The following DHX35 variants were observed in gnomAD, a reference collection of about 807,000 sequenced individuals.
The protein encoded by DHX35 is probable ATP-dependent RNA helicase DHX35.
A neutral mutation model predicts 99.6 loss-of-function variants in DHX35; 84 were observed. The observed-to-expected ratio is 0.84, with a 90% CI of 0.71 to 1.01. DHX35 has a LOEUF of 1.01. Ranked by LOEUF, DHX35 falls within the 50% of genes least tolerant of loss-of-function variation. DHX35 has a pLI of 0.00. For synonymous variants in DHX35, 331 were observed against 316.2 expected (o/e 1.05, Z -0.50); for missense variants, 852 against 888.5 (o/e 0.96, Z 0.52).
chr20:39,016,868 CTTTTTTTTTT>C (rs777635952), intron 14 of DHX35, among the ~76,000 whole-genome samples: 4 of 106,454 alleles, frequency 3.8e-5, no homozygotes, highest in Non-Finnish European at 6.1e-5. Context: ...GTGCTGTTGT[CTTTTTTTTTT>C]TTTTTTTTTA....
intron 18 of DHX35, among the ~76,000 whole-genome samples, chr20:39,026,743 T>C (rs1600447306): frequency 6.6e-6 from 1 of 152,044 alleles, no homozygotes; most frequent in East Asian, 1.9e-4. Context: ...TCAGAGAATA[T>C]TTGATGGGTG....
intron 20 of DHX35, among the ~76,000 whole-genome samples, chr20:39,033,289 C>CT (rs2087089646): frequency 6.6e-6 from 1 of 151,906 alleles, no homozygotes; most frequent in Admixed American, 6.6e-5. Context: ...ATTTTAGATC[C>CT]TTTTTTTGCT....
At chr20:38,966,837 G>A (rs2085919096) in intron 1 of DHX35, among the ~76,000 whole-genome samples, 3 of 152,146 alleles carry the variant, frequency 2.0e-5, no homozygotes, top group African/African-American at 7.2e-5. Context: ...AAAGGATAAG[G>A]TATTCTTTGT....
At chr20:38,975,158 A>AT (rs2086058068) in intron 3 of DHX35, among the ~76,000 whole-genome samples, 1 of 151,930 alleles carries the variant, frequency 6.6e-6, no homozygotes. Context: ...AGATGTAGGT[A>AT]TTTTTTTAAA....
In DHX35 at chr20:39,034,275, C is replaced by G. The variant is rs1217610195; in HGVS notation, c.2025C>G (p.Ala675=). 1.9e-6 allele frequency: 3 copies of G among 1,614,080 alleles called. No homozygotes were observed. In the Admixed American group the frequency reaches 5.0e-5, roughly 27 times the overall value. Residue 675 remains alanine (A), a synonymous_variant, in exon 21 of 22, where the codon GCC becomes GCG. Coordinates refer to ENST00000252011, the MANE Select transcript of DHX35 (RefSeq NM_021931.4). ...GAGATGTGACTGCCATTGAATCGGC[C>G]TGGCTGTTGGAGCTGGCTCCACACT... ...YMRDVTAIES[A]WLLELAPHFY... is the part of the protein sequence containing the mutation.
chr20:38,977,888 T>G (rs1240238980), intron 3 of DHX35: 1 of 574,720 alleles, frequency 1.7e-6, no homozygotes, highest in Non-Finnish European at 3.3e-6. Context: ...ATAGCTTTCT[T>G]TACTGGGGCT....
chr20:39,034,365 C>T (rs2087108593), intron 21 of DHX35, 48 bp downstream of exon 21: 2 of 1,471,026 alleles, frequency 1.4e-6, no homozygotes, highest in East Asian at 2.3e-5. Context: ...CACAGCCTCT[C>T]CATGTTTTTA....
At chr20:38,974,947 A>G (rs1401180495) in intron 3 of DHX35, among the ~76,000 whole-genome samples, 3 of 152,222 alleles carry the variant, frequency 2.0e-5, no homozygotes, top group African/African-American at 7.2e-5. Flanking sequence ...TGGAGATAGC[A>G]CGTCCAGTGG....
intron 5 of DHX35, among the ~76,000 whole-genome samples, chr20:38,990,983 G>T (rs1601395265): frequency 6.6e-6 from 1 of 152,146 alleles, no homozygotes; most frequent in East Asian, 1.9e-4. Flanking sequence ...TGACACCATA[G>T]CCCATGTGCT....
rs763010886 is a variant in DHX35, at chr20:39,018,926, GA to G, written c.1498+28del. On this transcript the variant is annotated intron_variant, in intron 15 of 21. Transcript: ENST00000252011. The stretch of plus-strand genomic sequence containing the variant: ...TGGGTAGAGCCTGATAGCTTGAATT[GA>G]TTTTATTTTGACTGTCAGAGGTGTT... 5.6e-6 allele frequency: 9 copies of G among 1,611,090 alleles called. No homozygotes were observed. In the Middle Eastern group the frequency reaches 5.0e-4, roughly 89 times the overall value.
chr20:38,990,699 A>G (rs2086324954), intron 5 of DHX35, among the ~76,000 whole-genome samples: 1 of 152,224 alleles, frequency 6.6e-6, no homozygotes, highest in Non-Finnish European at 1.5e-5. Context: ...GAGGGTATGC[A>G]TAGGTTACAT....
chr20:38,982,770 G>A (rs1354914877), intron 3 of DHX35, among the ~76,000 whole-genome samples: 1 of 151,948 alleles, frequency 6.6e-6, no homozygotes, highest in African/African-American at 2.4e-5. Context: ...TTTTTCTATT[G>A]TAGAAGTAAT....
intron 11 of DHX35, among the ~76,000 whole-genome samples, chr20:39,005,013 G>A (rs543292882): frequency 7.2e-5 from 11 of 151,900 alleles, no homozygotes; most frequent in African/African-American, 1.9e-4. Flanking sequence ...ACTTAACCTC[G>A]AATCTGAGTT....
chr20:38,975,850 G>T (rs2086067364), intron 3 of DHX35, among the ~76,000 whole-genome samples: 1 of 152,194 alleles, frequency 6.6e-6, no homozygotes, highest in African/African-American at 2.4e-5. Flanking sequence ...GACCAAAAGT[G>T]GGCCTTCTGT....
chr20:38,967,676 A>T lies in DHX35; in HGVS notation c.41-1405A>T, dbSNP rs151107310. 2.2e-3 allele frequency among the ~76,000 whole-genome samples: 331 copies of T among 152,338 alleles called. 5 individuals are homozygous for T. The highest frequency in any genetic ancestry group is 0.017 in the Admixed American group (266 of 15,306). On this transcript the variant is annotated intron_variant, in intron 1 of 21. Coordinates refer to ENST00000252011, the MANE Select transcript of DHX35 (RefSeq NM_021931.4). ...TTTCATGATGGGATATGGCTTCCCT[A>T]TTCTTCACCATCATGATCACCAGTT...
chr20:39,010,063 A>G (rs528957458), intron 12 of DHX35, among the ~76,000 whole-genome samples: 4 of 152,344 alleles, frequency 2.6e-5, no homozygotes, highest in African/African-American at 9.6e-5. Context: ...ATAAAGTTTT[A>G]TAAAGGTGTA....
At chr20:39,036,414 T>C (rs1225027101) in intron 21 of DHX35, among the ~76,000 whole-genome samples, 2 of 152,126 alleles carry the variant, frequency 1.3e-5, no homozygotes, top group East Asian at 3.9e-4. Context: ...TTAGAGAGGC[T>C]GGGACAGACC....
chr20:38,997,326 C>T (rs2086446851), intron 8 of DHX35, among the ~76,000 whole-genome samples: 1 of 152,130 alleles, frequency 6.6e-6, no homozygotes, highest in African/African-American at 2.4e-5. Flanking sequence ...CCGCCTTGGA[C>T]TCCCAAAGTG....
intron 9 of DHX35, 64 bp from the exon 10 acceptor site, chr20:39,002,708 G>T (rs935189640): frequency 2.5e-5 from 36 of 1,428,542 alleles, no homozygotes; most frequent in Non-Finnish European, 3.3e-5. Context: ...CAGATTATTA[G>T]GGTAATTGAT....
Sources: gnomAD v4.1 joint callset for allele counts (sites outside exome capture counted in the v4.1 genomes callset) on GRCh38, gnomAD v4.1.1 for gene constraint, MANE v1.5 for transcripts, NCBI Gene and HGNC (gene_info 2026-07-23, HGNC 2026-07-21) for gene names.